Variants in CTNNA2 observed in about 807,000 individuals in gnomAD.
CTNNA2 encodes the protein catenin alpha-2.
In CTNNA2, 42 loss-of-function variants were observed where a neutral mutation model predicts 101.0. The ratio of observed to expected loss-of-function variants is 0.42; its 90% CI spans 0.32 to 0.54. The LOEUF (loss-of-function observed/expected upper bound fraction) is 0.54. Ranked by LOEUF, CTNNA2 falls within the 20% of genes least tolerant of loss-of-function variation. The probability of loss-of-function intolerance (pLI) is 0.14; values close to 1 mark genes in which losing one functional copy is unlikely to be tolerated. For synonymous variants in CTNNA2, 450 were observed against 456.4 expected (o/e 0.99, Z 0.18); for missense variants, 871 against 1,223.1 (o/e 0.71, Z 4.29).
At chr2:79,343,729 T>C (rs1013013333) in intron 3 of CTNNA2, among the ~76,000 whole-genome samples, 1 of 5,906 alleles carries the variant, frequency 1.7e-4, no homozygotes, top group Non-Finnish European at 4.3e-4. Flanking sequence ...GGACGATTAT[T>C]ATTATTATTA....
intron 2 of CTNNA2, among the ~76,000 whole-genome samples, chr2:79,239,935 TC>T (rs201802499): frequency 0.55 from 78,318 of 142,336 alleles, 22,312 homozygotes; most frequent in East Asian, 0.62. Context: ...TCTTTTTCTT[TC>T]TTTTTTTTTT....
chr2:80,234,828 T>C (rs558089207), intron 7 of CTNNA2, among the ~76,000 whole-genome samples: 2 of 151,874 alleles, frequency 1.3e-5, no homozygotes, highest in East Asian at 3.9e-4. Context: ...TTTTTTTTGG[T>C]ATGTGCTAGC....
chr2:80,433,242 C>T (rs1681708813), intron 9 of CTNNA2, among the ~76,000 whole-genome samples: 1 of 152,078 alleles, frequency 6.6e-6, no homozygotes, highest in South Asian at 2.1e-4. Flanking sequence ...TCTGTAAACA[C>T]CATGCCAGCC....
At chr2:79,191,879 G>A (rs1395641540) in intron 1 of CTNNA2, among the ~76,000 whole-genome samples, 1 of 152,112 alleles carries the variant, frequency 6.6e-6, no homozygotes, top group Admixed American at 6.6e-5. Flanking sequence ...AAATTAGGCT[G>A]TATATGTGAA....
chr2:80,611,387 T>TAAC (rs1698458562), intron 17 of CTNNA2, among the ~76,000 whole-genome samples: 2 of 151,514 alleles, frequency 1.3e-5, no homozygotes, highest in African/African-American at 4.8e-5. Context: ...AAGTTAAAGA[T>TAAC]AACATGTCTT....
chr2:79,888,963 CAT>C (rs761323385), intron 6 of CTNNA2, among the ~76,000 whole-genome samples: 10 of 152,136 alleles, frequency 6.6e-5, no homozygotes, highest in Non-Finnish European at 1.0e-4. Context: ...ATTAGAGCAA[CAT>C]GTGGTTTATT....
chr2:80,232,369 TTTTTTTTTTTTTTTTTTTTGTTA>T (rs1709298424), intron 7 of CTNNA2, among the ~76,000 whole-genome samples: 1 of 72,428 alleles, frequency 1.4e-5, no homozygotes, highest in Non-Finnish European at 4.1e-5. Context: ...TTTTTTTTTT[TTTTTTTTTTTTTTTTTTTTGTTA>T]ACACTAGTTT....
At chr2:79,207,758 T>C (rs1674119295) in intron 2 of CTNNA2, among the ~76,000 whole-genome samples, 1 of 152,196 alleles carries the variant, frequency 6.6e-6, no homozygotes, top group Admixed American at 6.6e-5. Context: ...TAAAACTTGC[T>C]GGCTTTTTCC....
intron 1 of CTNNA2, among the ~76,000 whole-genome samples, chr2:79,555,697 A>G (rs951769195): frequency 6.6e-6 from 1 of 152,060 alleles, no homozygotes; most frequent in Middle Eastern, 3.2e-3. Flanking sequence ...CATATTTCAC[A>G]TTAGGATTTA....
intron 1 of CTNNA2, among the ~76,000 whole-genome samples, chr2:79,515,707 CTT>C: frequency 6.6e-6 from 1 of 152,292 alleles, no homozygotes; most frequent in Middle Eastern, 3.4e-3. Flanking sequence ...CAACTAGTGT[CTT>C]TGAAAAGCAG....
chr2:79,680,413 C>T (rs1004727473), intron 2 of CTNNA2, among the ~76,000 whole-genome samples: 1 of 152,014 alleles, frequency 6.6e-6, no homozygotes, highest in Non-Finnish European at 1.5e-5. Context: ...ACTGATGTAC[C>T]TGCATTTCTT....
intron 4 of CTNNA2, among the ~76,000 whole-genome samples, chr2:79,421,733 T>A (rs1678542066): frequency 2.0e-5 from 3 of 152,050 alleles, no homozygotes; most frequent in Admixed American, 2.0e-4. Context: ...TTCCACTTCT[T>A]TGAAGTGGAA....
intron 4 of CTNNA2, among the ~76,000 whole-genome samples, chr2:79,444,409 A>G (rs990926521): frequency 1.3e-5 from 2 of 152,170 alleles, no homozygotes; most frequent in Non-Finnish European, 2.9e-5. Flanking sequence ...TGTCCAATTC[A>G]AGGAATCAAG....
chr2:79,561,984 T>C (rs1674809969), intron 1 of CTNNA2, among the ~76,000 whole-genome samples: 1 of 152,014 alleles, frequency 6.6e-6, no homozygotes, highest in Non-Finnish European at 1.5e-5. Context: ...GTATTTGTTT[T>C]TATTTTGGTT....
At chr2:79,639,229 C>G (rs909213582) in intron 1 of CTNNA2, among the ~76,000 whole-genome samples, 3 of 152,156 alleles carry the variant, frequency 2.0e-5, no homozygotes, top group Non-Finnish European at 4.4e-5. Flanking sequence ...TCTGATGAGT[C>G]AGAACAAAGC....
chr2:79,919,647 C>A (rs1297536477), intron 7 of CTNNA2, among the ~76,000 whole-genome samples: 1 of 152,168 alleles, frequency 6.6e-6, no homozygotes, highest in Non-Finnish European at 1.5e-5. Context: ...TCAGGGAGAG[C>A]AGCAGGCTGC....
chr2:80,129,663 A>G (rs1191453826), intron 7 of CTNNA2, among the ~76,000 whole-genome samples: 1 of 152,196 alleles, frequency 6.6e-6, no homozygotes, highest in African/African-American at 2.4e-5. Flanking sequence ...GTACGCATAT[A>G]AGATCATCTC....
intron 2 of CTNNA2, among the ~76,000 whole-genome samples, chr2:79,671,811 C>T (rs1533123): frequency 0.22 from 34,041 of 152,074 alleles, 4,153 homozygotes; most frequent in East Asian, 0.5. Flanking sequence ...TACTGTTTAG[C>T]CGCTAAGAGA....
intron 11 of CTNNA2, among the ~76,000 whole-genome samples, chr2:80,553,411 A>ATT (rs2149653546): frequency 6.6e-6 from 1 of 152,278 alleles, no homozygotes; most frequent in African/African-American, 2.4e-5. Flanking sequence ...AATAATACCT[A>ATT]TAAAAACATA....
Sources: allele counts gnomAD v4.1 joint callset (sites outside exome capture counted in the v4.1 genomes callset), GRCh38; gene constraint gnomAD v4.1.1; transcripts MANE v1.5; gene names NCBI Gene and HGNC (gene_info 2026-07-23, HGNC 2026-07-21).